Variants in CDH8 observed in about 807,000 individuals in gnomAD.
The protein encoded by CDH8 is cadherin 8.
In CDH8, 17 loss-of-function variants were observed where a neutral mutation model predicts 68.1. That is an observed-to-expected ratio of 0.25 (90% CI 0.17 to 0.37). The LOEUF (loss-of-function observed/expected upper bound fraction) is 0.37, where lower values mean the gene tolerates loss of function less well. CDH8 is among the 10% of genes least tolerant of loss of function. The pLI is 1.00. For missense variants in CDH8, 763 were observed against 999.3 expected, an observed-to-expected ratio of 0.76 and a Z score of 3.19; for synonymous variants, 372 against 365.1, an observed-to-expected ratio of 1.02 and a Z score of -0.21.
intron 3 of CDH8, among the ~76,000 whole-genome samples, chr16:61,892,259 A>T (rs1963791217): frequency 6.6e-6 from 1 of 152,182 alleles, no homozygotes; most frequent in African/African-American, 2.4e-5. Context: ...TCATAAAACC[A>T]AAAATGTATT....
chr16:61,869,379 T>C (rs931604935), intron 3 of CDH8, among the ~76,000 whole-genome samples: 1 of 152,228 alleles, frequency 6.6e-6, no homozygotes. Context: ...GACCTGCTAC[T>C]AGGGAAAGGT....
chr16:61,824,372 G>C (rs1962283917), intron 5 of CDH8, among the ~76,000 whole-genome samples: 1 of 151,784 alleles, frequency 6.6e-6, no homozygotes, highest in African/African-American at 2.4e-5. Flanking sequence ...ATGTCAGAAA[G>C]GCCTTATCAA....
At chr16:61,747,637 T>C (rs1960055589) in intron 8 of CDH8, among the ~76,000 whole-genome samples, 1 of 151,862 alleles carries the variant, frequency 6.6e-6, no homozygotes, top group Non-Finnish European at 1.5e-5. Context: ...CCAAATAATG[T>C]CAAAAAAGAA....
At chr16:61,723,776 C>A (rs890833697) in intron 9 of CDH8, among the ~76,000 whole-genome samples, 1 of 150,520 alleles carries the variant, frequency 6.6e-6, no homozygotes. Flanking sequence ...TTTTGGAATC[C>A]TCAACACACA....
intron 2 of CDH8, among the ~76,000 whole-genome samples, chr16:61,952,561 G>C (rs1054135130): frequency 6.6e-6 from 1 of 152,108 alleles, no homozygotes; most frequent in African/African-American, 2.4e-5. Flanking sequence ...ATTCAAAATA[G>C]AGGAAATACA....
chr16:61,716,434 G>A (rs67732414), intron 9 of CDH8, among the ~76,000 whole-genome samples: 16,629 of 151,644 alleles, frequency 0.11, 917 homozygotes, highest in East Asian at 0.12. Flanking sequence ...ATTTTAGCCA[G>A]GAACTCATTA....
At chr16:61,917,703 C>G (rs1964266229) in intron 2 of CDH8, among the ~76,000 whole-genome samples, 1 of 152,152 alleles carries the variant, frequency 6.6e-6, no homozygotes, top group Non-Finnish European at 1.5e-5. Context: ...AAAAGTACAG[C>G]CCAAGATGCA....
At chr16:61,818,583 T>C (rs979464795) in intron 6 of CDH8, among the ~76,000 whole-genome samples, 2 of 152,162 alleles carry the variant, frequency 1.3e-5, no homozygotes, top group Non-Finnish European at 2.9e-5. Flanking sequence ...CTGAGAGACT[T>C]TGGTCAATGA....
chr16:61,843,281 A>G (rs2143008990), intron 4 of CDH8, among the ~76,000 whole-genome samples: 1 of 152,344 alleles, frequency 6.6e-6, no homozygotes, highest in African/African-American at 2.4e-5. Context: ...GCGGGATTCA[A>G]GACAGTAATA....
At chr16:61,958,095 T>C (rs1211336858) in intron 2 of CDH8, among the ~76,000 whole-genome samples, 1 of 152,186 alleles carries the variant, frequency 6.6e-6, no homozygotes, top group Non-Finnish European at 1.5e-5. Flanking sequence ...CAAAAAGCTA[T>C]ATCTTGTGGG....
chr16:61,981,694 G>GCC (rs1965534092), intron 2 of CDH8, among the ~76,000 whole-genome samples: 2 of 151,104 alleles, frequency 1.3e-5, no homozygotes, highest in South Asian at 4.1e-4. Flanking sequence ...GCGCGCGCGC[G>GCC]TGCGCTTGGG....
At chr16:61,796,653 G>C (rs916685316) in intron 7 of CDH8, among the ~76,000 whole-genome samples, 22 of 152,018 alleles carry the variant, frequency 1.4e-4, no homozygotes, top group African/African-American at 5.3e-4. Flanking sequence ...ATCCTGATTG[G>C]CTTCTAATAC....
intron 10 of CDH8, among the ~76,000 whole-genome samples, chr16:61,662,087 G>GTTTTTTTT: frequency 1.1e-5 from 1 of 92,792 alleles, no homozygotes; most frequent in African/African-American, 4.0e-5. Flanking sequence ...TTTTACTTTA[G>GTTTTTTTT]TTTTTTTTTT....
chr16:61,830,068 A>T (rs1962423051), intron 4 of CDH8, among the ~76,000 whole-genome samples: 1 of 151,902 alleles, frequency 6.6e-6, no homozygotes, highest in African/African-American at 2.4e-5. Flanking sequence ...AAATGAAAAT[A>T]GCCTTACTAT....
intron 8 of CDH8, among the ~76,000 whole-genome samples, chr16:61,770,577 C>G (rs1960751646): frequency 6.6e-6 from 1 of 151,916 alleles, no homozygotes. Flanking sequence ...TCCTCCTTTG[C>G]ATCTAAAAAT....
intron 8 of CDH8, among the ~76,000 whole-genome samples, chr16:61,779,425 ATGTGTGTGTGTGTG>A (rs10539934): frequency 3.0e-4 from 42 of 139,114 alleles, no homozygotes; most frequent in African/African-American, 8.5e-4. Context: ...ATGTTCGTTT[ATGTGTGTGTGTGTG>A]TGTGTGTGTG....
At chr16:61,815,004 C>G (rs1378827465) in intron 7 of CDH8, among the ~76,000 whole-genome samples, 1 of 152,148 alleles carries the variant, frequency 6.6e-6, no homozygotes, top group East Asian at 1.9e-4. Context: ...GCTCCCCCTT[C>G]TGAATGACAT....
intron 10 of CDH8, among the ~76,000 whole-genome samples, chr16:61,666,306 C>T (rs988648648): frequency 1.3e-5 from 2 of 151,848 alleles, no homozygotes; most frequent in African/African-American, 4.8e-5. Flanking sequence ...GGGAAATACT[C>T]TATTCTCTTT....
chr16:61,999,218 G>T (rs963781778), intron 2 of CDH8, among the ~76,000 whole-genome samples: 1 of 152,116 alleles, frequency 6.6e-6, no homozygotes, highest in Non-Finnish European at 1.5e-5. Flanking sequence ...AAAATATAAA[G>T]ATTACCAAAT....
Sources: gnomAD v4.1 joint callset for allele counts (sites outside exome capture counted in the v4.1 genomes callset) on GRCh38, gnomAD v4.1.1 for gene constraint, MANE v1.5 for transcripts, NCBI Gene and HGNC (gene_info 2026-07-23, HGNC 2026-07-21) for gene names.